PRKCE: variants seen among roughly 807,000 people sequenced by gnomAD.
PRKCE encodes protein kinase C epsilon type.
A neutral mutation model predicts 85.4 loss-of-function variants in PRKCE; 16 were observed. The ratio of observed to expected loss-of-function variants is 0.19; its 90% CI spans 0.13 to 0.28. PRKCE has a LOEUF of 0.28. Ranked by LOEUF, PRKCE falls within the 10% of genes least tolerant of loss-of-function variation. The probability of loss-of-function intolerance (pLI) is 1.00; values close to 1 mark genes in which losing one functional copy is unlikely to be tolerated. For synonymous variants in PRKCE, 388 were observed against 371.5 expected, an observed-to-expected ratio of 1.04 and a Z score of -0.51; for missense variants, 573 against 975.2, an observed-to-expected ratio of 0.59 and a Z score of 5.49.
At chr2:46,166,051 G>A (rs754588198) in intron 14 of PRKCE, among the ~76,000 whole-genome samples, 3 of 152,200 alleles carry the variant, frequency 2.0e-5, no homozygotes, top group Non-Finnish European at 4.4e-5. Flanking sequence ...TCAACCTCAT[G>A]ATCCGTTTCC....
At chr2:45,678,692 A>ATT (rs11366704) in intron 1 of PRKCE, among the ~76,000 whole-genome samples, 5 of 149,590 alleles carry the variant, frequency 3.3e-5, no homozygotes, top group African/African-American at 9.7e-5. Flanking sequence ...AATTATCTGG[A>ATT]TTTTTTTTTT....
At chr2:45,901,331 G>T (rs998429638) in intron 2 of PRKCE, among the ~76,000 whole-genome samples, 1 of 152,178 alleles carries the variant, frequency 6.6e-6, no homozygotes, top group African/African-American at 2.4e-5. Context: ...TCTTACCCAA[G>T]GCCAAACGCT....
intron 6 of PRKCE, among the ~76,000 whole-genome samples, chr2:46,000,142 GTTT>G (rs941761913): frequency 1.3e-5 from 2 of 150,042 alleles, no homozygotes; most frequent in African/African-American, 4.9e-5. Flanking sequence ...GTTTTTTGGG[GTTT>G]TTTTGTTTTT....
chr2:45,691,239 G>A (rs988131716), intron 1 of PRKCE, among the ~76,000 whole-genome samples: 1 of 152,146 alleles, frequency 6.6e-6, no homozygotes, highest in African/African-American at 2.4e-5. Context: ...TCCGTGGCAG[G>A]AATAGTCATT....
intron 10 of PRKCE, among the ~76,000 whole-genome samples, chr2:46,027,798 A>G (rs945720597): frequency 6.6e-6 from 1 of 152,180 alleles, no homozygotes; most frequent in African/African-American, 2.4e-5. Context: ...TGGCCTATTT[A>G]GCTGGAAGAA....
chr2:46,134,011 G>A (rs1002817106), intron 11 of PRKCE, among the ~76,000 whole-genome samples: 5 of 152,190 alleles, frequency 3.3e-5, no homozygotes, highest in African/African-American at 1.2e-4. Context: ...GTATAATAGG[G>A]AGAATGGGTT....
chr2:46,015,359 G>A (rs1706034896), intron 10 of PRKCE, among the ~76,000 whole-genome samples: 1 of 152,020 alleles, frequency 6.6e-6, no homozygotes, highest in Non-Finnish European at 1.5e-5. Context: ...ATAATTTCAT[G>A]ATTTTTCCTC....
chr2:45,801,687 TGGGCAGAGCCA>T (rs919525261), intron 1 of PRKCE, among the ~76,000 whole-genome samples: 51 of 152,264 alleles, frequency 3.3e-4, no homozygotes, highest in Admixed American at 3.0e-3. Flanking sequence ...GGAAGGCCGT[TGGGCAGAGCCA>T]GGGTGGGAGA....
intron 2 of PRKCE, among the ~76,000 whole-genome samples, chr2:45,958,885 C>T (rs1326380239): frequency 5.3e-5 from 6 of 112,812 alleles, no homozygotes; most frequent in South Asian, 3.3e-4. Context: ...CACATTCCAA[C>T]AGGAAATGTG....
chr2:45,750,188 A>T (rs1683441347), intron 1 of PRKCE, among the ~76,000 whole-genome samples: 1 of 152,230 alleles, frequency 6.6e-6, no homozygotes, highest in Admixed American at 6.5e-5. Context: ...GCTAATGTAC[A>T]TTCACAGTGT....
intron 2 of PRKCE, among the ~76,000 whole-genome samples, chr2:45,852,892 G>C (rs1360529782): frequency 1.3e-5 from 2 of 152,166 alleles, no homozygotes; most frequent in Non-Finnish European, 2.9e-5. Flanking sequence ...TTCTGACTCA[G>C]GCAGCCCAGG....
At chr2:46,056,985 AG>A (rs1409582252) in intron 10 of PRKCE, among the ~76,000 whole-genome samples, 1 of 152,124 alleles carries the variant, frequency 6.6e-6, no homozygotes, top group Non-Finnish European at 1.5e-5. Flanking sequence ...GTGTGGCTAC[AG>A]AGGGTTTGAA....
intron 10 of PRKCE, among the ~76,000 whole-genome samples, chr2:46,071,295 T>A (rs945220563): frequency 5.3e-5 from 8 of 152,356 alleles, no homozygotes; most frequent in Middle Eastern, 3.4e-3. Context: ...TGATTTGAAA[T>A]TTGTTTATCA....
At chr2:46,040,847 T>G (rs1708175848) in intron 10 of PRKCE, among the ~76,000 whole-genome samples, 1 of 152,214 alleles carries the variant, frequency 6.6e-6, no homozygotes, top group South Asian at 2.1e-4. Context: ...AACTAACCTT[T>G]GTACTCTGAA....
At chr2:45,957,479 GT>G (rs58421086) in intron 2 of PRKCE, among the ~76,000 whole-genome samples, 17,679 of 152,116 alleles carry the variant, frequency 0.12, 2,334 homozygotes, top group African/African-American at 0.32. Flanking sequence ...CTATGTGTTT[GT>G]TTTTTGTTGT....
intron 2 of PRKCE, among the ~76,000 whole-genome samples, chr2:45,886,480 G>A (rs143381097): frequency 1.3e-5 from 2 of 152,282 alleles, no homozygotes; most frequent in Non-Finnish European, 2.9e-5. Context: ...GACTTCTATT[G>A]CATTAAAAAG....
At chr2:45,878,249 TG>T (rs919782799) in intron 2 of PRKCE, among the ~76,000 whole-genome samples, 19 of 152,398 alleles carry the variant, frequency 1.2e-4, no homozygotes, top group African/African-American at 4.6e-4. Context: ...TGGTTCATTG[TG>T]CTTGGAAATC....
intron 10 of PRKCE, among the ~76,000 whole-genome samples, chr2:46,059,849 T>G (rs1291330176): frequency 6.6e-6 from 1 of 152,220 alleles, no homozygotes; most frequent in Non-Finnish European, 1.5e-5. Flanking sequence ...GTGCCTGGTT[T>G]GGGCCATTTG....
chr2:46,011,962 C>T (rs1705718031), intron 10 of PRKCE, among the ~76,000 whole-genome samples: 1 of 152,180 alleles, frequency 6.6e-6, no homozygotes, highest in African/African-American at 2.4e-5. Flanking sequence ...TCCTCAGAGA[C>T]CACTATTTAA....
Sources: allele counts gnomAD v4.1 joint callset (sites outside exome capture counted in the v4.1 genomes callset), GRCh38; gene constraint gnomAD v4.1.1; transcripts MANE v1.5; gene names NCBI Gene and HGNC (gene_info 2026-07-23, HGNC 2026-07-21).